The following GNA14 variants were observed in gnomAD, a reference collection of about 807,000 sequenced individuals.
The protein encoded by GNA14 is G protein subunit alpha 14.
In GNA14, 50 loss-of-function variants were observed where a neutral mutation model predicts 42.0. The ratio of observed to expected loss-of-function variants is 1.19; its 90% CI spans 0.95 to 1.51. The LOEUF (loss-of-function observed/expected upper bound fraction) is 1.51, where lower values mean the gene tolerates loss of function less well. Among genes scored for constraint, GNA14 ranks in the 40% most tolerant of loss-of-function variants. The probability of loss-of-function intolerance (pLI) is 0.00; values close to 1 mark genes in which losing one functional copy is unlikely to be tolerated. For synonymous variants in GNA14, 173 were observed against 163.1 expected, an observed-to-expected ratio of 1.06 and a Z score of -0.46; for missense variants, 473 against 446.2, an observed-to-expected ratio of 1.06 and a Z score of -0.54.
intron 2 of GNA14, among the ~76,000 whole-genome samples, chr9:77,525,647 T>A (rs1837422145): frequency 6.6e-6 from 1 of 151,410 alleles, no homozygotes; most frequent in South Asian, 2.1e-4. Flanking sequence ...CACGCCATTC[T>A]CCTACCTCAG....
intron 1 of GNA14, among the ~76,000 whole-genome samples, chr9:77,630,237 C>T (rs1197748153): frequency 2.0e-5 from 3 of 151,936 alleles, no homozygotes; most frequent in Non-Finnish European, 4.4e-5. Flanking sequence ...CCCACTTCAG[C>T]CTCCCGAGTA....
chr9:77,475,226 T>C (rs571434737), intron 2 of GNA14, among the ~76,000 whole-genome samples: 3 of 152,260 alleles, frequency 2.0e-5, no homozygotes, highest in African/African-American at 7.2e-5. Flanking sequence ...AAACTATTGA[T>C]ATAAACCCTC....
At chr9:77,601,500 T>C (rs144662124) in intron 1 of GNA14, among the ~76,000 whole-genome samples, 9 of 152,348 alleles carry the variant, frequency 5.9e-5, no homozygotes, top group Non-Finnish European at 7.3e-5. Flanking sequence ...TATTTTCATA[T>C]TGGGAAAACA....
intron 1 of GNA14, among the ~76,000 whole-genome samples, chr9:77,616,747 T>C (rs1293417238): frequency 2.0e-5 from 3 of 152,198 alleles, no homozygotes; most frequent in Non-Finnish European, 4.4e-5. Flanking sequence ...AAAGGCCTCA[T>C]CCTTATCCTG....
chr9:77,621,908 A>G (rs1823930209), intron 1 of GNA14, among the ~76,000 whole-genome samples: 1 of 152,062 alleles, frequency 6.6e-6, no homozygotes, highest in Non-Finnish European at 1.5e-5. Context: ...CATTTGCTCT[A>G]TTTCATATTG....
At chr9:77,489,432 A>G (rs1252012946) in intron 2 of GNA14, among the ~76,000 whole-genome samples, 1 of 152,256 alleles carries the variant, frequency 6.6e-6, no homozygotes, top group African/African-American at 2.4e-5. Flanking sequence ...AGTGAACACC[A>G]AACAGATTCA....
rs11455779 is a variant in GNA14 at position 77,478,030 on chromosome 9, C to CTT, written c.310-43510_310-43509dup. Among the ~76,000 whole-genome samples the CTT allele has an allele frequency of 1.7e-3, 245 of 146,950 alleles. No individual in the cohort carries two copies. The East Asian group carries it at 0.018, about 11-fold the overall frequency. ...GAATGAGAGACCTTTTTAAAGGTGTCTTTTTTTTTTTTAAACTTTAAGTTT... is the reference window on the plus strand; with the variant it reads ...GAATGAGAGACCTTTTTAAAGGTGTCTTTTTTTTTTTTTTAAACTTTAAGTTT... On this transcript the variant is annotated intron_variant, in intron 2 of 6. Transcript: ENST00000341700.
At chr9:77,525,540 CTT>C (rs780509461) in intron 2 of GNA14, among the ~76,000 whole-genome samples, 31 of 137,006 alleles carry the variant, frequency 2.3e-4, no homozygotes, top group Middle Eastern at 3.7e-3. Context: ...ATGGTTTGTT[CTT>C]TTTTTTTTTT....
At chr9:77,622,643 T>C (rs907354456) in intron 1 of GNA14, among the ~76,000 whole-genome samples, 7 of 151,362 alleles carry the variant, frequency 4.6e-5, no homozygotes, top group Non-Finnish European at 1.0e-4. Context: ...TCCCAGCACT[T>C]TGGGAGGCTG....
At chr9:77,458,154 C>A (rs977206008) in intron 2 of GNA14, among the ~76,000 whole-genome samples, 1 of 152,184 alleles carries the variant, frequency 6.6e-6, no homozygotes, top group African/African-American at 2.4e-5. Context: ...CCCAGCCTTG[C>A]GCTTCTCAGA....
At chr9:77,602,437 A>T (rs1823581787) in intron 1 of GNA14, among the ~76,000 whole-genome samples, 1 of 152,192 alleles carries the variant, frequency 6.6e-6, no homozygotes, top group Non-Finnish European at 1.5e-5. Context: ...AGAATCCTAC[A>T]ATTATTTAAC....
intron 1 of GNA14, among the ~76,000 whole-genome samples, chr9:77,601,134 C>T (rs1037218855): frequency 8.5e-5 from 13 of 152,164 alleles, no homozygotes; most frequent in Non-Finnish European, 1.8e-4. Context: ...GAGGTGGGAG[C>T]CCTTGGCAGG....
chr9:77,553,317 C>T (rs1243780918), intron 1 of GNA14, among the ~76,000 whole-genome samples: 1 of 152,130 alleles, frequency 6.6e-6, no homozygotes, highest in Non-Finnish European at 1.5e-5. Context: ...AGGCACTACA[C>T]TACACCTACC....
intron 2 of GNA14, among the ~76,000 whole-genome samples, chr9:77,474,661 A>G (rs537924602): frequency 6.6e-6 from 1 of 152,336 alleles, no homozygotes; most frequent in Admixed American, 6.5e-5. Flanking sequence ...ACCCAAGAGA[A>G]CTGAAGACAA....
Position 77,628,417 on chromosome 9 carries a change from C to T in GNA14, c.124+19253G>A, listed in dbSNP as rs79147848. 6.6e-3 allele frequency among the ~76,000 whole-genome samples: 1,012 copies of T among 152,252 alleles called. 13 individuals carry two copies. The highest frequency in any genetic ancestry group is 0.024 in the African/African-American group (977 of 41,564). On this transcript the variant is annotated intron_variant, in intron 1 of 6. Transcript: ENST00000341700. The stretch of plus-strand genomic sequence containing the variant: ...AATTTCACATGGAAGCAAAAAAGAG[C>T]CCATATAGCCAATACAATCCTAAGC...
intron 2 of GNA14, among the ~76,000 whole-genome samples, chr9:77,489,018 G>A (rs1836709323): frequency 6.6e-6 from 1 of 152,054 alleles, no homozygotes; most frequent in African/African-American, 2.4e-5. Context: ...GACACTCAGT[G>A]ATCTCTAAGA....
At chr9:77,611,364 A>G (rs1196516410) in intron 1 of GNA14, among the ~76,000 whole-genome samples, 2 of 152,324 alleles carry the variant, frequency 1.3e-5, no homozygotes, top group East Asian at 3.9e-4. Context: ...CTGAATGCTC[A>G]ATGCTTGTGT....
chr9:77,423,848 C>A lies in GNA14; in HGVS notation c.*131G>T. On this transcript the variant is annotated 3_prime_UTR_variant, in exon 7 of 7. Coordinates refer to ENST00000341700, the MANE Select transcript of GNA14 (RefSeq NM_004297.4). ...TCCAAGTTCCATCACCCATCTCTGT[C>A]CCCACGATCTACATGACATCCTTAG... 2 of 502,944 alleles carry A rather than the reference C, an allele frequency of 4.0e-6. No homozygotes were observed. Among genetic ancestry groups the A allele is most frequent in the East Asian group, 3.3e-5 (1 of 30,722 alleles). 31.2% of individuals were successfully genotyped at this position (502,944 alleles called of 1,614,324 possible).
At chr9:77,590,219 A>G (rs891564282) in intron 1 of GNA14, among the ~76,000 whole-genome samples, 7 of 152,014 alleles carry the variant, frequency 4.6e-5, no homozygotes, top group Non-Finnish European at 8.8e-5. Context: ...ACCCGGCCCC[A>G]AGTCAGTTTT....
Sources: allele counts gnomAD v4.1 joint callset (sites outside exome capture counted in the v4.1 genomes callset), GRCh38; gene constraint gnomAD v4.1.1; transcripts MANE v1.5; gene names NCBI Gene and HGNC (gene_info 2026-07-23, HGNC 2026-07-21).